PHACTR1: variants seen among roughly 807,000 people sequenced by gnomAD.
PHACTR1 encodes phosphatase and actin regulator 1.
A neutral mutation model predicts 69.2 loss-of-function variants in PHACTR1; 16 were observed. The observed-to-expected ratio is 0.23, with a 90% confidence interval of 0.16 to 0.35. PHACTR1 has a LOEUF of 0.35. PHACTR1 is among the 10% of genes least tolerant of loss of function. The pLI, the probability that PHACTR1 is intolerant of heterozygous loss-of-function variation, is 1.00. For missense variants in PHACTR1, 510 were observed against 734.7 expected, an observed-to-expected ratio of 0.69 and a Z score of 3.54; for synonymous variants, 312 against 284.5, an observed-to-expected ratio of 1.10 and a Z score of -0.97.
chr6:12,728,246 G>A lies in PHACTR1; in HGVS notation c.103+9399G>A, dbSNP rs75240472. Among the ~76,000 whole-genome samples the A allele has an allele frequency of 6.5e-3, 986 of 152,170 alleles. 16 individuals carry two copies. Among genetic ancestry groups the A allele is most frequent in the African/African-American group, 0.023 (951 of 41,512 alleles). On this transcript the variant is annotated intron_variant, in intron 3 of 14. Transcript: ENST00000332995. ...AGGCGGGCGGATTGCTTGAACCCTG[G>A]ACTTCCAGGTTGTAGTGAGCTGTGA...
At chr6:12,977,995 A>G (rs1795093548) in intron 4 of PHACTR1, among the ~76,000 whole-genome samples, 1 of 152,232 alleles carries the variant, frequency 6.6e-6, no homozygotes, top group Admixed American at 6.5e-5. Flanking sequence ...ACACGTGGCT[A>G]GGTCCTCTCC....
intron 4 of PHACTR1, among the ~76,000 whole-genome samples, chr6:12,811,945 A>G (rs1581865449): frequency 6.6e-6 from 1 of 150,770 alleles, no homozygotes; most frequent in African/African-American, 2.4e-5. Flanking sequence ...GAAGAAGTTG[A>G]TCTACAGGGT....
chr6:13,194,673 CATG>C (rs1764122096), intron 7 of PHACTR1, among the ~76,000 whole-genome samples: 1 of 152,140 alleles, frequency 6.6e-6, no homozygotes, highest in Admixed American at 6.5e-5. Context: ...ACTGCCAAAA[CATG>C]ATAAGTATGT....
chr6:13,247,389 A>G (rs1484913025), intron 10 of PHACTR1, among the ~76,000 whole-genome samples: 1 of 146,036 alleles, frequency 6.8e-6, no homozygotes, highest in Non-Finnish European at 1.5e-5. Context: ...TTTGTCCCCC[A>G]GGCTGGAGTA....
intron 4 of PHACTR1, among the ~76,000 whole-genome samples, chr6:12,931,360 C>T (rs1788851318): frequency 6.6e-6 from 1 of 152,148 alleles, no homozygotes; most frequent in Non-Finnish European, 1.5e-5. Flanking sequence ...GTCATACCTA[C>T]CTGCAGGGAA....
At chr6:13,237,667 T>C (rs1166673880) in intron 10 of PHACTR1, among the ~76,000 whole-genome samples, 1 of 152,236 alleles carries the variant, frequency 6.6e-6, no homozygotes, top group African/African-American at 2.4e-5. Flanking sequence ...TGTACAGTCA[T>C]ACATTGCTTA....
intron 3 of PHACTR1, among the ~76,000 whole-genome samples, chr6:12,740,736 T>C (rs930117914): frequency 6.6e-6 from 1 of 152,074 alleles, no homozygotes; most frequent in Non-Finnish European, 1.5e-5. Flanking sequence ...TTTTCTTTTT[T>C]TTAAGTAGGC....
intron 10 of PHACTR1, among the ~76,000 whole-genome samples, chr6:13,238,181 G>A (rs1156331564): frequency 6.6e-6 from 1 of 152,192 alleles, no homozygotes. Context: ...CACAGCCTGG[G>A]AATCAGACGG....
chr6:13,110,926 T>C (rs1459659222), intron 5 of PHACTR1, among the ~76,000 whole-genome samples: 2 of 152,166 alleles, frequency 1.3e-5, no homozygotes, highest in Non-Finnish European at 2.9e-5. Flanking sequence ...TTTTTGTTTT[T>C]TGTTTTTTTT....
At chr6:12,738,184 T>C (rs1410473620) in intron 3 of PHACTR1, among the ~76,000 whole-genome samples, 1 of 152,216 alleles carries the variant, frequency 6.6e-6, no homozygotes, top group East Asian at 1.9e-4. Flanking sequence ...AAAAATATAG[T>C]TTCCTTTCCC....
At chr6:12,883,670 C>G (rs79286867) in intron 4 of PHACTR1, among the ~76,000 whole-genome samples, 741 of 152,244 alleles carry the variant, frequency 4.9e-3, no homozygotes, top group Non-Finnish European at 8.6e-3. Flanking sequence ...GGCTCAGGTC[C>G]TGTTTTCTCC....
At chr6:12,986,207 G>C (rs1480615240) in intron 4 of PHACTR1, among the ~76,000 whole-genome samples, 1 of 152,202 alleles carries the variant, frequency 6.6e-6, no homozygotes, top group East Asian at 1.9e-4. Context: ...GGGGTGGGTA[G>C]AGATTGGGAT....
At chr6:13,005,502 A>C (rs1798680893) in intron 4 of PHACTR1, among the ~76,000 whole-genome samples, 2 of 152,120 alleles carry the variant, frequency 1.3e-5, no homozygotes, top group African/African-American at 4.8e-5. Flanking sequence ...CTGTTATATT[A>C]ATTTGTGTGG....
rs56329629 is a variant in PHACTR1, at chr6:13,131,208, T to TACACACACAC, written c.416-28967_416-28958dup. Reference sequence around the variant, plus strand: ...ACACACACACATATATATATACACATACACACACACACACACACACACACA... The same window carrying TACACACACAC: ...ACACACACACATATATATATACACATACACACACACACACACACACACACACACACACACA... On this transcript the variant is annotated intron_variant, in intron 5 of 14. Transcript: ENST00000332995. Among the ~76,000 whole-genome samples the TACACACACAC allele has an allele frequency of 1.3e-3, 189 of 146,448 alleles. 1 individual carries two copies. The highest frequency in any genetic ancestry group is 4.0e-3 in the African/African-American group (155 of 38,372).
At chr6:13,253,064 A>T in intron 10 of PHACTR1, 1 of 454,892 alleles carries the variant, frequency 2.2e-6, no homozygotes, top group Non-Finnish European at 4.4e-6. Context: ...GGCCCCACTG[A>T]ATGAGGAGGG....
chr6:13,103,299 A>G (rs746828399), intron 5 of PHACTR1, among the ~76,000 whole-genome samples: 7 of 152,200 alleles, frequency 4.6e-5, no homozygotes, highest in Non-Finnish European at 7.4e-5. Context: ...TGAGATCTCT[A>G]ATAGCTTTGG....
intron 4 of PHACTR1, among the ~76,000 whole-genome samples, chr6:12,964,818 C>T (rs1054529017): frequency 6.6e-6 from 1 of 152,192 alleles, no homozygotes; most frequent in African/African-American, 2.4e-5. Flanking sequence ...TAGATTATGT[C>T]CTTTAATCTG....
chr6:13,178,920 A>T lies in PHACTR1; in HGVS notation c.497-3599A>T, dbSNP rs1049598203. Among the ~76,000 whole-genome samples the T allele has an allele frequency of 2.0e-5, 3 of 152,156 alleles. No individual in the cohort carries two copies. The South Asian group carries it at 6.2e-4, about 32-fold the overall frequency. ...ATTTTTTAATAATGTGAATTTTTTAATGCTGGTAAAGATGCTAATAAACAT... is the reference window on the plus strand; with the variant it reads ...ATTTTTTAATAATGTGAATTTTTTATTGCTGGTAAAGATGCTAATAAACAT... On this transcript the variant is annotated intron_variant, in intron 6 of 14. Coordinates refer to ENST00000332995, the MANE Select transcript of PHACTR1 (RefSeq NM_030948.6).
intron 8 of PHACTR1, among the ~76,000 whole-genome samples, chr6:13,222,519 T>G (rs1475600377): frequency 6.6e-6 from 1 of 152,198 alleles, no homozygotes; most frequent in South Asian, 2.1e-4. Flanking sequence ...GGAACTCACA[T>G]GAGAGGATCT....
Sources: allele counts gnomAD v4.1 joint callset (sites outside exome capture counted in the v4.1 genomes callset), GRCh38; gene constraint gnomAD v4.1.1; transcripts MANE v1.5; gene names NCBI Gene and HGNC (gene_info 2026-07-23, HGNC 2026-07-21).